The following ERI1 variants were observed in gnomAD, a reference collection of about 807,000 sequenced individuals.
ERI1 encodes the protein 3'-5' exoribonuclease 1.
Under a neutral mutation model 39.7 loss-of-function variants are expected in ERI1, and 39 were observed. The ratio of observed to expected loss-of-function variants is 0.98; its 90% CI spans 0.76 to 1.28. The LOEUF (loss-of-function observed/expected upper bound fraction) is 1.28, where lower values mean the gene tolerates loss of function less well. Among genes scored for constraint, ERI1 ranks in the 50% most tolerant of loss-of-function variants. The pLI, the probability that ERI1 is intolerant of heterozygous loss-of-function variation, is 0.00. For synonymous variants in ERI1, 204 were observed against 149.6 expected, an observed-to-expected ratio of 1.36 and a Z score of -2.65; for missense variants, 581 against 416.9, an observed-to-expected ratio of 1.39 and a Z score of -3.43.
chr8:9,056,219 T>G (rs995713978), intron 3 of ERI1, among the ~76,000 whole-genome samples: 3 of 152,242 alleles, frequency 2.0e-5, no homozygotes, highest in Non-Finnish European at 2.9e-5. Flanking sequence ...GAAGACACTG[T>G]CTCTGCGGAT....
chr8:9,061,899 AAAGG>A (rs1415148912), intron 3 of ERI1, among the ~76,000 whole-genome samples: 1 of 151,824 alleles, frequency 6.6e-6, no homozygotes, highest in Non-Finnish European at 1.5e-5. Flanking sequence ...TGAAGGGTGC[AAAGG>A]AATAGTAAAG....
At chr8:9,015,583 G>A (rs1031590917) in intron 3 of ERI1, among the ~76,000 whole-genome samples, 6 of 151,912 alleles carry the variant, frequency 3.9e-5, no homozygotes, top group African/African-American at 7.3e-5. Context: ...TCAGCCAGGC[G>A]TGGTGGCAGG....
Position 9,030,121 on chromosome 8 carries a change from A to C in ERI1, c.*87A>C, listed in dbSNP as rs1797483302. On this transcript the variant is annotated 3_prime_UTR_variant, in exon 7 of 7. Transcript: ENST00000250263. ...TCATTGAATTAGTCCTGTAGTGCAA[A>C]CTTTAAGCACCTTAAAACATTTAAA... is the stretch of plus-strand genomic sequence containing the variant. 22 of 1,515,212 alleles carry C rather than the reference A, an allele frequency of 1.5e-5. No homozygotes were observed. Among genetic ancestry groups the C allele is most frequent in the Non-Finnish European group, 2.0e-5 (22 of 1,109,364 alleles). 93.9% of individuals were successfully genotyped at this position (1,515,212 alleles called of 1,614,324 possible).
intron 6 of ERI1, among the ~76,000 whole-genome samples, chr8:9,028,641 T>G (rs904451134): frequency 3.3e-5 from 5 of 152,216 alleles, no homozygotes; most frequent in Admixed American, 2.0e-4. Context: ...TTTCTTTTTT[T>G]GAGATGGAAC....
rs138098048 is a variant in ERI1 at position 9,051,178 on chromosome 8, A to G, written n.299+30714A>G. ...TATATATGTATGTATATATGAATAT[A>G]TATATATATGAAAAGGAGTTTATTT... On this transcript the variant is annotated intron_variant and non_coding_transcript_variant, in intron 3 of 3. Coordinates refer to the ERI1 transcript ENST00000518663. 1.9e-3 allele frequency among the ~76,000 whole-genome samples: 286 copies of G among 151,870 alleles called. 1 individual carries two copies. The highest frequency in any genetic ancestry group is 6.2e-3 in the African/African-American group (256 of 41,446).
intron 3 of ERI1, among the ~76,000 whole-genome samples, chr8:9,080,278 T>G (rs6601284): frequency 0.093 from 14,207 of 152,218 alleles, 2,101 homozygotes; most frequent in African/African-American, 0.31. Flanking sequence ...AAAGTCCATT[T>G]ATTTTCTCAA....
intron 3 of ERI1, among the ~76,000 whole-genome samples, chr8:9,087,037 G>GT (rs1396146737): frequency 6.6e-6 from 1 of 151,232 alleles, no homozygotes; most frequent in East Asian, 1.9e-4. Context: ...TTTTTTTTAA[G>GT]TTTTTTGAAT....
At chr8:9,004,880 G>C (rs955334042) in intron 1 of ERI1, among the ~76,000 whole-genome samples, 1 of 151,986 alleles carries the variant, frequency 6.6e-6, no homozygotes, top group Non-Finnish European at 1.5e-5. Context: ...TAGAGATGGG[G>C]TTTCACCATG....
At chr8:9,090,262 G>A (rs1188992468) in intron 3 of ERI1, among the ~76,000 whole-genome samples, 2 of 152,170 alleles carry the variant, frequency 1.3e-5, no homozygotes, top group Non-Finnish European at 2.9e-5. Flanking sequence ...GGCCGACAGA[G>A]AAGGGGTGTG....
intron 3 of ERI1, among the ~76,000 whole-genome samples, chr8:9,054,695 G>C (rs899327688): frequency 2.0e-5 from 3 of 152,220 alleles, no homozygotes; most frequent in Non-Finnish European, 2.9e-5. Context: ...GAGGCCAAGG[G>C]GGGCAGATCA....
At position 9,031,429 on chromosome 8, in the gene ERI1, C is replaced by G. The variant is rs373380382; in HGVS notation, c.*1395C>G. On this transcript the variant is annotated 3_prime_UTR_variant, in exon 7 of 7. Transcript: ENST00000250263. The stretch of plus-strand genomic sequence containing the variant: ...AGAAGGCATATGAGAGTGTGGTGTT[C>G]CTAGATGAACTGTTACAGATTATAG... 6.6e-6 allele frequency: 1 copy of G among 152,072 alleles called. No homozygotes were observed. The highest frequency in any genetic ancestry group is 2.4e-5 in the African/African-American group (1 of 41,402). The allele number at this position is 152,072 out of a possible 1,614,324, so 9.4% of individuals were successfully genotyped here.
rs538020603 is a variant in ERI1 at position 9,025,616 on chromosome 8, C to T, written c.808-4176C>T. On this transcript the variant is annotated intron_variant, in intron 6 of 6. Coordinates refer to ENST00000250263, the MANE Select transcript of ERI1 (RefSeq NM_153332.4). Reference sequence around the variant, plus strand: ...AGATTTCACATCATTTTTAAAAACACGATGAAGTGACTGGGCCTTTGTTTA... The same window carrying T: ...AGATTTCACATCATTTTTAAAAACATGATGAAGTGACTGGGCCTTTGTTTA... Among the ~76,000 whole-genome samples, 10 of 152,166 alleles carry T rather than the reference C, an allele frequency of 6.6e-5. No individual in the cohort carries two copies. In the East Asian group the frequency reaches 7.7e-4, roughly 12 times the overall value.
chr8:9,071,103 C>G (rs542253900), intron 3 of ERI1, among the ~76,000 whole-genome samples: 1 of 152,208 alleles, frequency 6.6e-6, no homozygotes, highest in African/African-American at 2.4e-5. Context: ...GGAAAGAGAA[C>G]TGTTGCTAAG....
intron 3 of ERI1, among the ~76,000 whole-genome samples, chr8:9,080,586 G>C (rs369392119): frequency 1.8e-4 from 28 of 152,332 alleles, no homozygotes; most frequent in African/African-American, 6.3e-4. Context: ...TTTTCCTGCA[G>C]GTTTTCACAA....
At chr8:9,097,015 T>C (rs1175495289) in intron 3 of ERI1, among the ~76,000 whole-genome samples, 1 of 152,030 alleles carries the variant, frequency 6.6e-6, no homozygotes, top group Admixed American at 6.6e-5. Context: ...AAGCCACCTT[T>C]CCTACCCAGG....
chr8:9,017,558 C>A (rs1446736333), intron 4 of ERI1, among the ~76,000 whole-genome samples: 1 of 152,144 alleles, frequency 6.6e-6, no homozygotes, highest in African/African-American at 2.4e-5. Context: ...TTGTGGACAT[C>A]TATGAAAAGG....
chr8:9,044,435 C>T (rs73197719), intron 3 of ERI1, among the ~76,000 whole-genome samples: 248 of 152,210 alleles, frequency 1.6e-3, no homozygotes, highest in Non-Finnish European at 2.9e-3. Context: ...CACATCACTG[C>T]GTCAGTTCAG....
intron 3 of ERI1, among the ~76,000 whole-genome samples, chr8:9,043,714 T>C (rs1206976009): frequency 6.6e-6 from 1 of 152,216 alleles, no homozygotes; most frequent in African/African-American, 2.4e-5. Flanking sequence ...ATTGGAGATA[T>C]TATTTTTGTT....
chr8:9,059,193 A>T (rs927355820), intron 3 of ERI1, among the ~76,000 whole-genome samples: 7 of 152,180 alleles, frequency 4.6e-5, no homozygotes, highest in Non-Finnish European at 1.5e-5. Context: ...AGGCAGGAAC[A>T]GGCCATTTTC....
Sources: allele counts gnomAD v4.1 joint callset (sites outside exome capture counted in the v4.1 genomes callset), GRCh38; gene constraint gnomAD v4.1.1; transcripts MANE v1.5; gene names NCBI Gene and HGNC (gene_info 2026-07-23, HGNC 2026-07-21).